Variants in ZHX1 observed in about 807,000 individuals in gnomAD.
ZHX1 encodes the protein zinc fingers and homeoboxes 1.
Under a neutral mutation model 61.8 loss-of-function variants are expected in ZHX1, and 20 were observed. The observed-to-expected ratio is 0.32, with a 90% CI of 0.23 to 0.47. The LOEUF is 0.47. ZHX1 is among the 20% of genes least tolerant of loss of function. The pLI, the probability that ZHX1 is intolerant of heterozygous loss-of-function variation, is 1.00. For missense variants in ZHX1, 800 were observed against 1,034.8 expected (o/e 0.77, Z 3.11); for synonymous variants, 318 against 352.6 (o/e 0.90, Z 1.10).
Position 123,253,705 on chromosome 8 carries a change from GTCTCCC to G in ZHX1, c.2236_2241del (p.Gly746_Arg747del), listed in dbSNP as rs763324941. 6.2e-7 allele frequency: 1 copy of G among 1,614,114 alleles called. No individual in the cohort carries two copies. The highest frequency in any genetic ancestry group is 8.5e-7 in the Non-Finnish European group (1 of 1,180,006). ...GGTCTTCCTCTTCCCCGTCCTTTGGGTCTCCCTCTCCCTCTTTTCCTAAGGGAAGAC... is the reference window on the plus strand; with the variant it reads ...GGTCTTCCTCTTCCCCGTCCTTTGGGTCTCCCTCTTTTCCTAAGGGAAGAC... On this transcript the variant is annotated inframe_deletion, in exon 3 of 4. Coordinates refer to ENST00000395571, the MANE Select transcript of ZHX1 (RefSeq NM_007222.5).
intron 2 of ZHX1, among the ~76,000 whole-genome samples, chr8:123,260,624 C>A (rs912265478): frequency 4.3e-4 from 65 of 151,128 alleles, no homozygotes; most frequent in African/African-American, 1.2e-3. Context: ...ACAAAAAAAA[C>A]CCCACATATA....
Position 123,255,415 on chromosome 8 carries a change from T to G in ZHX1, c.532A>C (p.Ile178Leu). ...STEVSSSGIS[I>L]SKTPIMKMMK... ...ATTTTCATGATAGGAGTTTTACTGA[T>G]AGATATTCCCGAAGAAGAAACTTCT... Residue 178 changes from isoleucine (I) to leucine (L), a missense_variant, in exon 3 of 4, where the codon ATC becomes CTC. Coordinates refer to ENST00000395571, the MANE Select transcript of ZHX1 (RefSeq NM_007222.5). The G allele has an allele frequency of 3.7e-6, 6 of 1,613,510 alleles. No homozygotes were observed. The highest frequency in any genetic ancestry group is 5.1e-6 in the Non-Finnish European group (6 of 1,180,022).
At chr8:123,267,598 C>T (rs1826497528) in intron 1 of ZHX1, among the ~76,000 whole-genome samples, 1 of 152,056 alleles carries the variant, frequency 6.6e-6, no homozygotes, top group Non-Finnish European at 1.5e-5. Flanking sequence ...CTATTTATAT[C>T]ATATAGAACA....
chr8:123,254,994 G>C lies in ZHX1; in HGVS notation c.953C>G (p.Ser318Cys), dbSNP rs766441550. 5.6e-6 allele frequency: 9 copies of C among 1,614,194 alleles called. No individual in the cohort carries two copies. The highest frequency in any genetic ancestry group is 7.6e-6 in the Non-Finnish European group (9 of 1,180,032). The change falls in exon 3 of 4, where the codon TCT becomes TGT. Residue 318 changes from serine (S) to cysteine (C), a missense_variant. Transcript: ENST00000395571. The surrounding 1 kb of genome is among the most constrained non-coding windows in gnomAD (Gnocchi z 4.1). ...TTCCTCTGTATATTTTGCTTGAGCA[G>C]AAAGAACTGTAATTTCTGACATTGT... ...YPTMSEITVL[S>C]AQAKYTEEQI... is the part of the protein sequence containing the mutation.
intron 2 of ZHX1, among the ~76,000 whole-genome samples, chr8:123,258,673 C>T (rs1245032264): frequency 6.6e-6 from 1 of 152,122 alleles, no homozygotes; most frequent in African/African-American, 2.4e-5. Context: ...TCCTACAAAA[C>T]TCAACAGGAC....
intron 1 of ZHX1, among the ~76,000 whole-genome samples, chr8:123,272,925 A>C (rs1586836359): frequency 6.6e-6 from 1 of 151,162 alleles, no homozygotes; most frequent in Admixed American, 6.6e-5. Context: ...TCACATCACG[A>C]CTTCTCTCTC....
At chr8:123,261,410 G>C (rs1484360218) in intron 2 of ZHX1, among the ~76,000 whole-genome samples, 2 of 152,078 alleles carry the variant, frequency 1.3e-5, no homozygotes, top group Non-Finnish European at 2.9e-5. Flanking sequence ...GCCTGGAAGA[G>C]CTATTCAATT....
chr8:123,264,219 G>A (rs1826376873), intron 2 of ZHX1, among the ~76,000 whole-genome samples: 1 of 152,074 alleles, frequency 6.6e-6, no homozygotes, highest in Non-Finnish European at 1.5e-5. Context: ...TTATTATAAA[G>A]ACAGCAAATG....
Position 123,250,304 on chromosome 8 carries a change from T to C in ZHX1, c.*20A>G, listed in dbSNP as rs1386509535. 1 of 431,414 alleles carries C rather than the reference T, an allele frequency of 2.3e-6. No homozygotes were observed. The highest frequency in any genetic ancestry group is 2.6e-5 in the Admixed American group (1 of 38,454). The allele number at this position is 431,414 out of a possible 1,614,324, so 26.7% of individuals were successfully genotyped here. A position where few individuals can be genotyped will look rare whatever the true frequency, so the allele number is the denominator to read the frequency against. ...TCTTGAGTTGAAGAATTGATTCTCC[T>C]TCAACGTTTTAGGCAGCTAAAAAAG... is the stretch of plus-strand genomic sequence containing the variant. On this transcript the variant is annotated 3_prime_UTR_variant, in exon 4 of 4. Coordinates refer to ENST00000395571, the MANE Select transcript of ZHX1 (RefSeq NM_007222.5).
intron 2 of ZHX1, among the ~76,000 whole-genome samples, chr8:123,265,759 T>C (rs978490259): frequency 2.6e-5 from 4 of 152,052 alleles, no homozygotes; most frequent in Non-Finnish European, 5.9e-5. Flanking sequence ...CTCAAGACAA[T>C]AGAAAATCAA....
At chr8:123,262,421 A>G (rs1713731) in intron 2 of ZHX1, among the ~76,000 whole-genome samples, 141,979 of 152,326 alleles carry the variant, frequency 0.93, 66,293 homozygotes, top group East Asian at 1. Flanking sequence ...ACAAAGATGA[A>G]ATGAGAGTAT....
intron 2 of ZHX1, chr8:123,263,067 G>A (rs1365995588): frequency 6.8e-6 from 1 of 146,688 alleles, no homozygotes; most frequent in Non-Finnish European, 1.5e-5. Flanking sequence ...CTTGGAAGAA[G>A]GAAGGAAGGA....
In ZHX1 at chr8:123,265,058, G is replaced by A. The variant is rs191273126; in HGVS notation, c.-226+2215C>T. On this transcript the variant is annotated intron_variant, in intron 2 of 3. Coordinates refer to ENST00000395571, the MANE Select transcript of ZHX1 (RefSeq NM_007222.5). ...ACAAAAATTAGCCCGGCGTCGTGGC[G>A]TGCACTTATAATTCCAGCTACTCGG... is the stretch of plus-strand genomic sequence containing the variant. Among the ~76,000 whole-genome samples, 235 of 151,012 alleles carry A rather than the reference G, an allele frequency of 1.6e-3. 1 individual carries two copies. Among genetic ancestry groups the A allele is most frequent in the African/African-American group, 5.5e-3 (226 of 41,230 alleles).
At chr8:123,274,486 T>G (rs919229381), upstream of ZHX1, 1 of 151,434 alleles carries the variant, frequency 6.6e-6, no homozygotes, top group Non-Finnish European at 1.5e-5. Context: ...CGCGCGCGCG[T>G]CCTCCGCGCG....
Position 123,266,171 on chromosome 8 carries a change from T to C in ZHX1, c.-226+1102A>G, listed in dbSNP as rs1028259108. Among the ~76,000 whole-genome samples, 6 of 152,336 alleles carry C rather than the reference T, an allele frequency of 3.9e-5. No homozygotes were observed. The East Asian group carries it at 5.8e-4, about 15-fold the overall frequency. On this transcript the variant is annotated intron_variant, in intron 2 of 3. Coordinates refer to ENST00000395571, the MANE Select transcript of ZHX1 (RefSeq NM_007222.5). ...TGAAATCTCTTATCTTGTGAAGAGT[T>C]TGTGAATGTGATCGAAAAGTCATTT...
At chr8:123,257,683 T>C (rs1443472073) in intron 2 of ZHX1, among the ~76,000 whole-genome samples, 2 of 152,202 alleles carry the variant, frequency 1.3e-5, no homozygotes, top group Admixed American at 6.5e-5. Flanking sequence ...AGCCCTCGCA[T>C]GCACAGTCAC....
chr8:123,274,821 C>A (rs1586837878), upstream of ZHX1, among the ~76,000 whole-genome samples: 2 of 152,168 alleles, frequency 1.3e-5, no homozygotes, highest in East Asian at 3.9e-4. Flanking sequence ...ACTGCTGGAT[C>A]GTGAGAGGTA....
Position 123,254,503 on chromosome 8 carries a change from T to A in ZHX1, c.1444A>T (p.Ser482Cys), listed in dbSNP as rs1194849846. ...TKEQLAELKV[S>C]YLKNQFPHDS... is the part of the protein sequence containing the mutation. ...TGGGGAAACTGATTTTTAAGGTAGC[T>A]AACTTTTAATTCTGCCAGTTGCTCT... The change falls in exon 3 of 4, where the codon AGC becomes TGC. Residue 482 changes from serine (S) to cysteine (C), a missense_variant. By Grantham distance (112) the Ser-to-Cys change is moderately radical. Transcript: ENST00000395571. This position sits in a 1 kb window ranked among gnomAD's most constrained non-coding sequence, Gnocchi z 4.1. 1 of 1,613,802 alleles carries A rather than the reference T, an allele frequency of 6.2e-7. No individual in the cohort carries two copies.
At position 123,255,429 on chromosome 8, in the gene ZHX1, G is replaced by T. The variant is rs915046477; in HGVS notation, c.518C>A (p.Ser173Tyr). Residue 173 changes from serine to tyrosine, a missense_variant, in exon 3 of 4, where the codon TCT becomes TAT. Ser to Tyr is a moderately radical substitution (Grantham distance 144). Coordinates refer to ENST00000395571, the MANE Select transcript of ZHX1 (RefSeq NM_007222.5). ...AGTTTTACTGATAGATATTCCCGAA[G>T]AAGAAACTTCTGTAGATTCTGCTTG... is the stretch of plus-strand genomic sequence containing the variant. ...AEQAESTEVS[S>Y]SGISISKTPI... 1.9e-6 allele frequency: 3 copies of T among 1,613,178 alleles called. No homozygotes were observed. Among genetic ancestry groups the T allele is most frequent in the East Asian group, 2.2e-5 (1 of 44,888 alleles).
Sources: gnomAD v4.1 joint callset for allele counts (sites outside exome capture counted in the v4.1 genomes callset) on GRCh38, gnomAD v4.1.1 for gene constraint, Gnocchi (gnomAD v3.1) non-coding constraint, MANE v1.5 for transcripts, NCBI Gene and HGNC (gene_info 2026-07-23, HGNC 2026-07-21) for gene names.